Variants in NKAIN3 observed in about 807,000 individuals in gnomAD.
NKAIN3 encodes the protein sodium/potassium transporting ATPase interacting 3, also known as sodium/potassium-transporting ATPase subunit beta-1-interacting protein 3.
Under a neutral mutation model 30.2 loss-of-function variants are expected in NKAIN3, and 25 were observed. The observed-to-expected ratio is 0.83, with a 90% CI of 0.60 to 1.16. The LOEUF is 1.16. NKAIN3 is among the 50% of genes most tolerant of loss of function. NKAIN3 has a pLI of 0.00. For missense variants in NKAIN3, 225 were observed against 254.1 expected (o/e 0.89, Z 0.78); for synonymous variants, 91 against 89.6 (o/e 1.02, Z -0.09).
At chr8:62,303,431 G>T (rs1346913721) in intron 1 of NKAIN3, among the ~76,000 whole-genome samples, 1 of 150,538 alleles carries the variant, frequency 6.6e-6, no homozygotes, top group African/African-American at 2.5e-5. Context: ...GCACTTCAGA[G>T]TACCCAAATG....
At chr8:62,459,588 A>G (rs1220442786) in intron 1 of NKAIN3, among the ~76,000 whole-genome samples, 1 of 152,198 alleles carries the variant, frequency 6.6e-6, no homozygotes, top group Non-Finnish European at 1.5e-5. Flanking sequence ...TGATAAATGC[A>G]ATGATGGAAA....
intron 1 of NKAIN3, among the ~76,000 whole-genome samples, chr8:62,547,462 G>A (rs1304334901): frequency 1.3e-5 from 2 of 152,108 alleles, no homozygotes; most frequent in Admixed American, 6.5e-5. Flanking sequence ...TGACTGTCAG[G>A]GGCTACATCT....
At chr8:62,280,852 C>T (rs532665538) in intron 1 of NKAIN3, among the ~76,000 whole-genome samples, 1 of 152,122 alleles carries the variant, frequency 6.6e-6, no homozygotes, top group Non-Finnish European at 1.5e-5. Context: ...TGTTGTGCCT[C>T]TGCCAGGCTT....
At chr8:62,785,377 A>G (rs1037845538) in intron 4 of NKAIN3, among the ~76,000 whole-genome samples, 9 of 152,184 alleles carry the variant, frequency 5.9e-5, no homozygotes, top group Admixed American at 2.6e-4. Flanking sequence ...AGGCAAATCT[A>G]TAGAGACAGA....
intron 4 of NKAIN3, among the ~76,000 whole-genome samples, chr8:62,813,545 A>T (rs1245027245): frequency 2.7e-5 from 4 of 146,488 alleles, no homozygotes; most frequent in South Asian, 2.2e-4. Context: ...GTATATTTTC[A>T]TTGGGGAATT....
At chr8:62,364,028 T>C (rs1484043620) in intron 1 of NKAIN3, among the ~76,000 whole-genome samples, 1 of 150,750 alleles carries the variant, frequency 6.6e-6, no homozygotes, top group Non-Finnish European at 1.5e-5. Context: ...AAGGCATCTC[T>C]TATTTGGGGT....
At position 62,495,080 on chromosome 8, in the gene NKAIN3, A is replaced by G. The variant is rs141190174; in HGVS notation, c.55-84459A>G. Reference sequence around the variant, plus strand: ...TCCATTATCAGAGGCCCTTTATTGCATGGTTATTTCCTGTCTCTTACTATC... The same window carrying G: ...TCCATTATCAGAGGCCCTTTATTGCGTGGTTATTTCCTGTCTCTTACTATC... On this transcript the variant is annotated intron_variant, in intron 1 of 6. Transcript: ENST00000623646. 3.9e-3 allele frequency among the ~76,000 whole-genome samples: 595 copies of G among 152,134 alleles called. 3 individuals carry two copies. Among genetic ancestry groups the G allele is most frequent in the African/African-American group, 0.014 (561 of 41,520 alleles).
intron 5 of NKAIN3, among the ~76,000 whole-genome samples, chr8:62,998,605 C>G (rs975449436): frequency 6.6e-6 from 1 of 152,166 alleles, no homozygotes; most frequent in Non-Finnish European, 1.5e-5. Context: ...TTGCACTATA[C>G]AACTGCTGAT....
chr8:62,476,757 T>C (rs1368534768), intron 1 of NKAIN3, among the ~76,000 whole-genome samples: 1 of 152,162 alleles, frequency 6.6e-6, no homozygotes, highest in Admixed American at 6.5e-5. Flanking sequence ...ACCCGGCCTC[T>C]ATAGTAATTT....
intron 4 of NKAIN3, among the ~76,000 whole-genome samples, chr8:62,874,462 T>C (rs920387752): frequency 2.0e-5 from 3 of 152,206 alleles, no homozygotes; most frequent in Non-Finnish European, 2.9e-5. Context: ...CCTAAATCAT[T>C]TTATGAAGCC....
chr8:62,903,879 G>A (rs529235131), intron 4 of NKAIN3, among the ~76,000 whole-genome samples: 1 of 152,146 alleles, frequency 6.6e-6, no homozygotes, highest in Admixed American at 6.5e-5. Flanking sequence ...AGATCTCACG[G>A]GAACTCACTC....
At chr8:62,470,599 G>T (rs1806298230) in intron 1 of NKAIN3, among the ~76,000 whole-genome samples, 1 of 152,076 alleles carries the variant, frequency 6.6e-6, no homozygotes, top group African/African-American at 2.4e-5. Flanking sequence ...GAATTCTCCT[G>T]CATTGCAGTG....
intron 5 of NKAIN3, among the ~76,000 whole-genome samples, chr8:62,927,276 C>G (rs983135754): frequency 2.0e-5 from 3 of 152,184 alleles, no homozygotes; most frequent in Non-Finnish European, 4.4e-5. Context: ...TCTCTTGGAT[C>G]TTATCAAGAT....
At chr8:62,855,691 T>A (rs2130780965) in intron 4 of NKAIN3, 1 of 1,600,870 alleles carries the variant, frequency 6.2e-7, no homozygotes, top group African/African-American at 1.3e-5. Flanking sequence ...AGCTGTCACT[T>A]CTGCATGTGA....
chr8:62,916,846 T>C (rs1316957289), intron 4 of NKAIN3, among the ~76,000 whole-genome samples: 1 of 152,128 alleles, frequency 6.6e-6, no homozygotes, highest in African/African-American at 2.4e-5. Flanking sequence ...ACGGGTTCCA[T>C]TGTAATCTGG....
intron 1 of NKAIN3, among the ~76,000 whole-genome samples, chr8:62,461,726 A>G (rs1022965499): frequency 6.6e-6 from 1 of 152,178 alleles, no homozygotes; most frequent in Non-Finnish European, 1.5e-5. Flanking sequence ...AGAAAGAATC[A>G]CCAGCCAACT....
intron 4 of NKAIN3, among the ~76,000 whole-genome samples, chr8:62,811,983 A>G (rs182343903): frequency 6.6e-6 from 1 of 151,872 alleles, no homozygotes; most frequent in African/African-American, 2.4e-5. Context: ...TTTACATTTT[A>G]CATTTAAGTC....
intron 1 of NKAIN3, among the ~76,000 whole-genome samples, chr8:62,464,349 C>T (rs1427252170): frequency 1.3e-5 from 2 of 152,128 alleles, no homozygotes; most frequent in Non-Finnish European, 2.9e-5. Context: ...CTGATAACAG[C>T]GTATTTCATC....
intron 1 of NKAIN3, among the ~76,000 whole-genome samples, chr8:62,434,269 C>T (rs894006686): frequency 6.6e-6 from 1 of 152,170 alleles, no homozygotes; most frequent in Admixed American, 6.5e-5. Context: ...AGCATTTAGA[C>T]ACTGCTGCCA....
Sources: allele counts gnomAD v4.1 joint callset (sites outside exome capture counted in the v4.1 genomes callset), GRCh38; gene constraint gnomAD v4.1.1; transcripts MANE v1.5; gene names NCBI Gene and HGNC (gene_info 2026-07-23, HGNC 2026-07-21).